Variants in DGKB observed in about 807,000 individuals in gnomAD.
The protein encoded by DGKB is 90 kDa diacylglycerol kinase.
Under a neutral mutation model 114.3 loss-of-function variants are expected in DGKB, and 67 were observed. That is an observed-to-expected ratio of 0.59 (90% CI 0.48 to 0.72). The LOEUF is 0.72. DGKB is among the 30% of genes least tolerant of loss of function. DGKB has a pLI of 0.00. For missense variants in DGKB, 907 were observed against 975.2 expected (o/e 0.93, Z 0.93); for synonymous variants, 398 against 323.1 (o/e 1.23, Z -2.49).
chr7:14,822,894 C>T (rs1250880933), intron 2 of DGKB, among the ~76,000 whole-genome samples: 1 of 152,028 alleles, frequency 6.6e-6, no homozygotes, highest in East Asian at 1.9e-4. Flanking sequence ...CTTGTTCTTT[C>T]ATCTCAGAAA....
chr7:14,164,919 T>TA (rs1771887178), intron 25 of DGKB, among the ~76,000 whole-genome samples: 1 of 152,184 alleles, frequency 6.6e-6, no homozygotes, highest in Non-Finnish European at 1.5e-5. Context: ...CAACAACCAT[T>TA]CAATATTTCT....
chr7:14,531,221 T>G (rs796262750), intron 20 of DGKB, among the ~76,000 whole-genome samples: 7 of 151,320 alleles, frequency 4.6e-5, no homozygotes, highest in African/African-American at 1.4e-4. Context: ...AAAAGAGAAA[T>G]AAACTGAAAG....
chr7:14,592,391 A>C (rs1488445515), intron 17 of DGKB, among the ~76,000 whole-genome samples: 1 of 151,966 alleles, frequency 6.6e-6, no homozygotes, highest in African/African-American at 2.4e-5. Context: ...GACAGAAAGA[A>C]GCATACTTAT....
At chr7:14,381,582 T>C (rs554288898) in intron 21 of DGKB, among the ~76,000 whole-genome samples, 9 of 151,950 alleles carry the variant, frequency 5.9e-5, no homozygotes, top group African/African-American at 1.9e-4. Flanking sequence ...AAAGGGAGGG[T>C]AGAAATAGTT....
rs567794597 is a variant in DGKB, at chr7:14,780,115, T to C, written c.71-22384A>G. ...TGGGACACTTAAACAGTGATGTGCC[T>C]TCTGCATGCTTTCTCTGCCCTGCTT... is the stretch of plus-strand genomic sequence containing the variant. On this transcript the variant is annotated intron_variant, in intron 2 of 25. Coordinates refer to ENST00000402815, the MANE Select transcript of DGKB (RefSeq NM_001350709.2). 1.8e-4 allele frequency among the ~76,000 whole-genome samples: 28 copies of C among 152,308 alleles called. No homozygotes were observed. The South Asian group carries it at 3.7e-3, about 20-fold the overall frequency.
At chr7:14,909,172 A>G (rs1368222698) in intron 1 of DGKB, among the ~76,000 whole-genome samples, 1 of 152,184 alleles carries the variant, frequency 6.6e-6, no homozygotes, top group African/African-American at 2.4e-5. Context: ...AGAATTGAAG[A>G]AGAAAAACTT....
intron 23 of DGKB, among the ~76,000 whole-genome samples, chr7:14,204,323 T>A (rs1438132350): frequency 6.6e-6 from 1 of 151,990 alleles, no homozygotes; most frequent in Non-Finnish European, 1.5e-5. Context: ...CCATGTTTAA[T>A]CCTGATGTGG....
intron 23 of DGKB, among the ~76,000 whole-genome samples, chr7:14,300,563 G>A (rs1177602139): frequency 2.0e-5 from 3 of 152,006 alleles, no homozygotes; most frequent in African/African-American, 7.2e-5. Context: ...ATGGAGTTAT[G>A]TATTCTTATA....
upstream of DGKB, among the ~76,000 whole-genome samples, chr7:14,906,447 C>CTTTTTTTTTTTTTTTTTTTTT (rs34250901): frequency 3.9e-5 from 4 of 103,882 alleles, no homozygotes; most frequent in Non-Finnish European, 7.8e-5. Context: ...TTTTTTCTGT[C>CTTTTTTTTTTTTTTTTTTTTT]TTTTTTTTTT....
chr7:14,526,300 T>C (rs1275718441), intron 20 of DGKB, among the ~76,000 whole-genome samples: 4 of 152,122 alleles, frequency 2.6e-5, no homozygotes, highest in South Asian at 2.1e-4. Flanking sequence ...TTTGGCAATA[T>C]CCCTGGTCTG....
chr7:14,164,699 C>G (rs1043232952), intron 25 of DGKB, among the ~76,000 whole-genome samples: 2 of 151,840 alleles, frequency 1.3e-5, no homozygotes, highest in Non-Finnish European at 2.9e-5. Context: ...ACACTTTGGC[C>G]GAATTTCAAA....
intron 21 of DGKB, among the ~76,000 whole-genome samples, chr7:14,389,475 A>C (rs947420676): frequency 2.0e-5 from 3 of 152,188 alleles, no homozygotes; most frequent in Non-Finnish European, 2.9e-5. Context: ...GGTGTCTGAC[A>C]CCTGACGGCT....
chr7:14,298,901 T>C (rs897733738), intron 23 of DGKB, among the ~76,000 whole-genome samples: 2 of 152,048 alleles, frequency 1.3e-5, no homozygotes, highest in African/African-American at 4.8e-5. Flanking sequence ...CAGACAATTC[T>C]CAAAAGAAGA....
chr7:14,486,155 G>A (rs549185703), intron 20 of DGKB, among the ~76,000 whole-genome samples: 29 of 152,186 alleles, frequency 1.9e-4, no homozygotes, highest in African/African-American at 6.7e-4. Context: ...GGTTATCTGT[G>A]AGATAAGGCC....
intron 21 of DGKB, among the ~76,000 whole-genome samples, chr7:14,385,082 T>C (rs1039755938): frequency 1.3e-5 from 2 of 152,222 alleles, no homozygotes; most frequent in African/African-American, 4.8e-5. Context: ...TCCTTCCTTG[T>C]TTTTATTCTC....
intron 23 of DGKB, 49 bp from the exon 24 acceptor site, chr7:14,178,200 C>T: frequency 6.3e-7 from 1 of 1,586,386 alleles, no homozygotes; most frequent in Non-Finnish European, 8.6e-7. Flanking sequence ...TACATATGTC[C>T]ACAATTTAAT....
intron 23 of DGKB, among the ~76,000 whole-genome samples, chr7:14,288,006 A>G (rs1006238901): frequency 1.3e-5 from 2 of 152,158 alleles, no homozygotes; most frequent in Non-Finnish European, 2.9e-5. Context: ...AGCCAAGGCT[A>G]TGATGCTTCA....
At chr7:14,862,360 G>A (rs940274285) in intron 1 of DGKB, among the ~76,000 whole-genome samples, 1 of 152,020 alleles carries the variant, frequency 6.6e-6, no homozygotes, top group African/African-American at 2.4e-5. Context: ...ATAATCCAGT[G>A]TTCTTAACTA....
At chr7:14,467,437 A>T (rs1780646625) in intron 21 of DGKB, among the ~76,000 whole-genome samples, 1 of 151,270 alleles carries the variant, frequency 6.6e-6, no homozygotes, top group Admixed American at 6.6e-5. Flanking sequence ...TAAAATATAA[A>T]ATATAAGTAA....
Sources: gnomAD v4.1 joint callset for allele counts (sites outside exome capture counted in the v4.1 genomes callset) on GRCh38, gnomAD v4.1.1 for gene constraint, MANE v1.5 for transcripts, NCBI Gene and HGNC (gene_info 2026-07-23, HGNC 2026-07-21) for gene names.